Variants in FOXP2 observed in about 807,000 individuals in gnomAD.
The protein encoded by FOXP2 is forkhead box protein P2.
FOXP2 carries 12 observed loss-of-function variants against 115.8 expected under a neutral mutation model. That is an observed-to-expected ratio of 0.10 (90% CI 0.07 to 0.17). FOXP2 has a LOEUF of 0.17. Ranked by LOEUF, FOXP2 falls within the 10% of genes least tolerant of loss-of-function variation. FOXP2 has a pLI of 1.00. For missense variants in FOXP2, 629 were observed against 843.5 expected (o/e 0.75, Z 3.15); for synonymous variants, 328 against 297.7 (o/e 1.10, Z -1.05).
chr7:114,534,517 G>A (rs1398320413), intron 2 of FOXP2, 100 bp from the exon 3 acceptor site: 1 of 946,286 alleles, frequency 1.1e-6, no homozygotes, highest in Non-Finnish European at 1.7e-6. Flanking sequence ...AAGGAATATG[G>A]GAGTTCTTGT....
chr7:114,198,280 T>C (rs1393604365), intron 1 of FOXP2, among the ~76,000 whole-genome samples: 1 of 152,136 alleles, frequency 6.6e-6, no homozygotes, highest in Admixed American at 6.5e-5. Flanking sequence ...AATAGGTCAT[T>C]GGAGGTCATA....
At chr7:114,429,671 A>T (rs760781396) in intron 2 of FOXP2, among the ~76,000 whole-genome samples, 1 of 151,552 alleles carries the variant, frequency 6.6e-6, no homozygotes, top group Non-Finnish European at 1.5e-5. Context: ...ATTAAGTCAG[A>T]TAATCTTTCT....
At chr7:114,335,667 C>T (rs1305891916) in intron 2 of FOXP2, among the ~76,000 whole-genome samples, 1 of 151,626 alleles carries the variant, frequency 6.6e-6, no homozygotes, top group East Asian at 1.9e-4. Flanking sequence ...GGATCAAGCA[C>T]AATTTTAAAG....
intron 2 of FOXP2, among the ~76,000 whole-genome samples, chr7:114,294,068 A>G (rs79859595): frequency 0.015 from 2,273 of 152,292 alleles, 25 homozygotes; most frequent in African/African-American, 0.026. Flanking sequence ...TCTCAGGCAT[A>G]TGTAATAGAA....
At chr7:114,148,238 A>G (rs879330838) in intron 1 of FOXP2, among the ~76,000 whole-genome samples, 6 of 152,190 alleles carry the variant, frequency 3.9e-5, no homozygotes, top group Admixed American at 3.9e-4. Context: ...TTAATTTAGA[A>G]AGAACTAAAC....
rs542111743 is a variant in FOXP2 at position 114,532,172 on chromosome 7, G to A, written c.169-2445G>A. ...TAATAATTGATCAGATACTCAGGAT[G>A]TTACAAAAGTTTAGAGTTCCATCAG... On this transcript the variant is annotated intron_variant, in intron 2 of 16. Coordinates refer to ENST00000350908, the MANE Select transcript of FOXP2 (RefSeq NM_014491.4). 8.1e-4 allele frequency among the ~76,000 whole-genome samples: 123 copies of A among 151,992 alleles called. 3 individuals are homozygous for A. The South Asian group carries it at 0.025, about 31-fold the overall frequency.
chr7:114,442,474 A>G (rs1370034426), intron 2 of FOXP2, among the ~76,000 whole-genome samples: 1 of 152,080 alleles, frequency 6.6e-6, no homozygotes, highest in Non-Finnish European at 1.5e-5. Flanking sequence ...TGTTTTTAAG[A>G]CAGGGAGAGT....
At chr7:114,114,593 A>G (rs1415805534) in intron 1 of FOXP2, among the ~76,000 whole-genome samples, 1 of 152,102 alleles carries the variant, frequency 6.6e-6, no homozygotes, top group Non-Finnish European at 1.5e-5. Context: ...TGTGCCATAG[A>G]TGAATGTTTT....
chr7:114,642,719 G>A, intron 7 of FOXP2, 96 bp downstream of exon 7: 1 of 963,370 alleles, frequency 1.0e-6, no homozygotes, highest in Non-Finnish European at 1.6e-6. Context: ...TTGGAGCAAG[G>A]ACAAAATGTA....
At chr7:114,086,594 A>G (rs1233318510), upstream of FOXP2, 1 of 408,332 alleles carries the variant, frequency 2.4e-6, no homozygotes, top group Non-Finnish European at 4.8e-6. Context: ...GACGCTGCCC[A>G]CGGCGTCCCC....
At chr7:114,534,293 T>C (rs73429340) in intron 2 of FOXP2, among the ~76,000 whole-genome samples, 1,250 of 121,606 alleles carry the variant, frequency 0.01, 13 homozygotes, top group African/African-American at 0.035. Flanking sequence ...TAAAAGGGAG[T>C]GGGCATTTTA....
At chr7:114,531,897 A>G (rs867108988) in intron 2 of FOXP2, among the ~76,000 whole-genome samples, 3 of 151,940 alleles carry the variant, frequency 2.0e-5, no homozygotes, top group Non-Finnish European at 2.9e-5. Context: ...GTTTGTCTAC[A>G]GACATTACGT....
chr7:114,188,127 A>G (rs1025856515), intron 1 of FOXP2, among the ~76,000 whole-genome samples: 2 of 152,220 alleles, frequency 1.3e-5, no homozygotes, highest in African/African-American at 4.8e-5. Flanking sequence ...TCCCCACCAG[A>G]AAATTTAATT....
At chr7:114,128,831 C>T (rs1445300309) in intron 1 of FOXP2, among the ~76,000 whole-genome samples, 2 of 152,072 alleles carry the variant, frequency 1.3e-5, no homozygotes, top group African/African-American at 4.8e-5. Flanking sequence ...TCTGGGGAAA[C>T]CAGAATTTTT....
chr7:114,476,876 G>T (rs901207869), intron 2 of FOXP2, among the ~76,000 whole-genome samples: 3 of 151,812 alleles, frequency 2.0e-5, no homozygotes, highest in Admixed American at 6.6e-5. Flanking sequence ...TGTAGCTACT[G>T]TAAATGGCCA....
At chr7:114,509,932 A>G (rs1797993109) in intron 2 of FOXP2, among the ~76,000 whole-genome samples, 1 of 152,040 alleles carries the variant, frequency 6.6e-6, no homozygotes, top group Non-Finnish European at 1.5e-5. Flanking sequence ...AGAGAAAAAA[A>G]AAGGTGCTCA....
intron 2 of FOXP2, chr7:114,463,271 T>C (rs1795659724): frequency 9.1e-6 from 2 of 220,748 alleles, no homozygotes; most frequent in Admixed American, 5.7e-5. Flanking sequence ...AAAACTATAT[T>C]TGAAGAAAAT....
chr7:114,313,541 C>T (rs1334680834), intron 2 of FOXP2, among the ~76,000 whole-genome samples: 1 of 111,526 alleles, frequency 9.0e-6, no homozygotes. Context: ...GTCAGGAGAT[C>T]GAGACCATCC....
rs1371740769 is a variant in FOXP2, at chr7:114,692,246, A to G, written c.*2320A>G. ...ATCAGAAGGGTGGCCTAAGACTACAATGCTAAAGTATGCATACCTCAGTTA... is the reference window on the plus strand; with the variant it reads ...ATCAGAAGGGTGGCCTAAGACTACAGTGCTAAAGTATGCATACCTCAGTTA... On this transcript the variant is annotated 3_prime_UTR_variant, in exon 17 of 17. Transcript: ENST00000350908. 3 of 453,990 alleles carry G rather than the reference A, an allele frequency of 6.6e-6. No individual in the cohort carries two copies. Among genetic ancestry groups the G allele is most frequent in the Admixed American group, 4.7e-5 (2 of 42,544 alleles). The allele number at this position is 453,990 out of a possible 1,614,324, so 28.1% of individuals were successfully genotyped here. A position where few individuals can be genotyped will look rare whatever the true frequency, so the allele number is the denominator to read the frequency against.
Sources: allele counts gnomAD v4.1 joint callset (sites outside exome capture counted in the v4.1 genomes callset), GRCh38; gene constraint gnomAD v4.1.1; transcripts MANE v1.5; gene names NCBI Gene and HGNC (gene_info 2026-07-23, HGNC 2026-07-21).